The following PDE4D variants were observed in gnomAD, a reference collection of about 807,000 sequenced individuals.
PDE4D encodes the protein 3',5'-cyclic-AMP phosphodiesterase 4D.
Under a neutral mutation model 87.4 loss-of-function variants are expected in PDE4D, and 24 were observed. The observed-to-expected ratio is 0.27, with a 90% CI of 0.20 to 0.39. The LOEUF (loss-of-function observed/expected upper bound fraction) is 0.39. Among genes scored for constraint, PDE4D ranks in the 10% least tolerant of loss-of-function variants. The pLI, the probability that PDE4D is intolerant of heterozygous loss-of-function variation, is 1.00. For missense variants in PDE4D, 714 were observed against 1,041.0 expected (o/e 0.69, Z 4.32); for synonymous variants, 384 against 383.2 (o/e 1.00, Z -0.02).
intron 1 of PDE4D, among the ~76,000 whole-genome samples, chr5:59,328,594 A>G (rs745980447): frequency 2.0e-5 from 3 of 152,190 alleles, no homozygotes; most frequent in Admixed American, 6.5e-5. Context: ...TACACTTCAG[A>G]GGGCTAAATT....
intron 1 of PDE4D, among the ~76,000 whole-genome samples, chr5:60,431,943 C>T (rs1744360795): frequency 1.3e-5 from 2 of 152,246 alleles, no homozygotes; most frequent in Non-Finnish European, 2.9e-5. Flanking sequence ...TGTGGCGGCG[C>T]AGGCCTGCAA....
intron 5 of PDE4D, among the ~76,000 whole-genome samples, chr5:59,068,584 T>C (rs1285318952): frequency 6.6e-6 from 1 of 152,176 alleles, no homozygotes; most frequent in Non-Finnish European, 1.5e-5. Context: ...TAATGTTATA[T>C]GCAAAAATGT....
chr5:60,233,915 C>T (rs967523721), intron 1 of PDE4D, among the ~76,000 whole-genome samples: 1 of 151,814 alleles, frequency 6.6e-6, no homozygotes, highest in East Asian at 1.9e-4. Context: ...CCCTGCATAA[C>T]TTCTACATAC....
chr5:60,220,390 C>CATTTCACCT (rs766666841), intron 1 of PDE4D, among the ~76,000 whole-genome samples: 17 of 152,152 alleles, frequency 1.1e-4, no homozygotes, highest in Non-Finnish European at 2.4e-4. Context: ...CAACCTATCC[C>CATTTCACCT]ATTTCACCTC....
intron 1 of PDE4D, among the ~76,000 whole-genome samples, chr5:59,410,245 TTTG>T (rs1400130620): frequency 5.6e-5 from 6 of 106,528 alleles, no homozygotes; most frequent in Admixed American, 1.8e-4. Context: ...AAGTGTTTTG[TTTG>T]TTTGTTTGTT....
intron 1 of PDE4D, among the ~76,000 whole-genome samples, chr5:59,546,469 A>G (rs1415357644): frequency 6.6e-6 from 1 of 152,196 alleles, no homozygotes; most frequent in Non-Finnish European, 1.5e-5. Context: ...AATCTCACGA[A>G]AAATATGGAA....
chr5:59,703,336 T>G (rs1356886872), intron 1 of PDE4D, among the ~76,000 whole-genome samples: 1 of 152,178 alleles, frequency 6.6e-6, no homozygotes, highest in Non-Finnish European at 1.5e-5. Flanking sequence ...AAACAGGTCT[T>G]ATTTTTAAAA....
chr5:59,916,118 C>T (rs576083856), intron 3 of PDE4D, among the ~76,000 whole-genome samples: 3 of 152,076 alleles, frequency 2.0e-5, no homozygotes, highest in African/African-American at 7.2e-5. Context: ...TATGAGAATG[C>T]TTTTTTTCCT....
chr5:59,534,966 G>C lies in PDE4D; in HGVS notation c.456-318998C>G, dbSNP rs1384605965. ...AACAAGGTAAAATCTTGGGCTTCTT[G>C]TTAAGTATTTATTAATATTGGGTAT... On this transcript the variant is annotated intron_variant, in intron 1 of 14. Coordinates refer to ENST00000340635, the MANE Select transcript of PDE4D (RefSeq NM_001104631.2). 2.0e-5 allele frequency among the ~76,000 whole-genome samples: 3 copies of C among 151,206 alleles called. 1 individual carries two copies. The Admixed American group carries it at 2.0e-4, about 10-fold the overall frequency.
At chr5:60,386,115 A>G (rs1009218486) in intron 1 of PDE4D, among the ~76,000 whole-genome samples, 1 of 152,218 alleles carries the variant, frequency 6.6e-6, no homozygotes, top group Non-Finnish European at 1.5e-5. Flanking sequence ...TACAAAATAA[A>G]TAATAAATCT....
At chr5:59,061,444 A>G (rs1328250160) in intron 5 of PDE4D, among the ~76,000 whole-genome samples, 1 of 152,144 alleles carries the variant, frequency 6.6e-6, no homozygotes, top group Non-Finnish European at 1.5e-5. Context: ...TGTCAAATGA[A>G]TAAACGAAGA....
intron 1 of PDE4D, among the ~76,000 whole-genome samples, chr5:59,792,908 G>T (rs1284015583): frequency 6.6e-6 from 1 of 152,190 alleles, no homozygotes; most frequent in Non-Finnish European, 1.5e-5. Flanking sequence ...AGGTGGCTGT[G>T]TTAAAAAATG....
intron 3 of PDE4D, among the ~76,000 whole-genome samples, chr5:59,918,245 A>G (rs1223560602): frequency 6.6e-6 from 1 of 152,148 alleles, no homozygotes; most frequent in African/African-American, 2.4e-5. Flanking sequence ...GTGTATGTGT[A>G]TATGTGTGTG....
At chr5:59,692,619 T>C (rs1425812472) in intron 1 of PDE4D, among the ~76,000 whole-genome samples, 3 of 152,278 alleles carry the variant, frequency 2.0e-5, no homozygotes, top group Non-Finnish European at 4.4e-5. Context: ...AGTATGGTTA[T>C]CTCATGTTGT....
intron 5 of PDE4D, among the ~76,000 whole-genome samples, chr5:59,159,734 A>G (rs1780766463): frequency 6.6e-6 from 1 of 152,148 alleles, no homozygotes; most frequent in African/African-American, 2.4e-5. Context: ...ATTGCCCTCA[A>G]CCTTCACTTT....
chr5:59,972,470 A>C (rs1561929022), intron 3 of PDE4D, among the ~76,000 whole-genome samples: 1 of 152,260 alleles, frequency 6.6e-6, no homozygotes, highest in East Asian at 1.9e-4. Flanking sequence ...TTGTCAGCCA[A>C]ATGAGTTGAT....
At chr5:59,649,437 TA>T (rs1289875306) in intron 1 of PDE4D, among the ~76,000 whole-genome samples, 1 of 151,820 alleles carries the variant, frequency 6.6e-6, no homozygotes, top group African/African-American at 2.4e-5. Context: ...GCCTTCAAGA[TA>T]AGGATAAGTA....
intron 2 of PDE4D, among the ~76,000 whole-genome samples, chr5:60,060,331 T>G (rs1427791351): frequency 2.6e-5 from 4 of 152,090 alleles, no homozygotes; most frequent in Admixed American, 2.6e-4. Flanking sequence ...ACAGCAGAGC[T>G]TTGTAAAAGC....
rs1471507889 is a variant in PDE4D, at chr5:59,954,975, GT to G, written c.272+33512del. 3.9e-5 allele frequency among the ~76,000 whole-genome samples: 6 copies of G among 152,168 alleles called. No individual in the cohort carries two copies. The East Asian group carries it at 1.2e-3, about 29-fold the overall frequency. On this transcript the variant is annotated intron_variant, in intron 3 of 16. Coordinates refer to the PDE4D transcript ENST00000502484. ...TTTACAGATTAATTTTCCTAGACTA[GT>G]ATAAGGTTCATAATTGCTAAAGTTT...
Sources: allele counts gnomAD v4.1 joint callset (sites outside exome capture counted in the v4.1 genomes callset), GRCh38; gene constraint gnomAD v4.1.1; transcripts MANE v1.5; gene names NCBI Gene and HGNC (gene_info 2026-07-23, HGNC 2026-07-21).